Variants in PLD5 observed in about 807,000 individuals in gnomAD.
PLD5 encodes the protein phospholipase D family member 5, also known as inactive phospholipase D5.
In PLD5, 36 loss-of-function variants were observed where a neutral mutation model predicts 61.1. That is an observed-to-expected ratio of 0.59 (90% confidence interval 0.45 to 0.78). The LOEUF is 0.78. PLD5 is among the 30% of genes least tolerant of loss of function. PLD5 has a pLI of 0.00. For missense variants in PLD5, 515 were observed against 644.4 expected (o/e 0.80, Z 2.17); for synonymous variants, 243 against 242.8 (o/e 1.00, Z -0.01).
At chr1:242,126,606 A>C (rs1188749836) in intron 5 of PLD5, among the ~76,000 whole-genome samples, 1 of 152,202 alleles carries the variant, frequency 6.6e-6, no homozygotes, top group East Asian at 1.9e-4. Flanking sequence ...TTGGCAAGAC[A>C]CTGTAGGAGA....
intron 7 of PLD5, among the ~76,000 whole-genome samples, chr1:242,108,367 G>A (rs1430541988): frequency 6.6e-6 from 1 of 152,190 alleles, no homozygotes; most frequent in East Asian, 1.9e-4. Context: ...TGCCTTCCAC[G>A]TTTTCTGCAG....
chr1:242,382,128 C>CAAAAAAAAA (rs34582650), intron 1 of PLD5, among the ~76,000 whole-genome samples: 12 of 125,566 alleles, frequency 9.6e-5, no homozygotes, highest in African/African-American at 2.4e-4. Flanking sequence ...ACTTTGACAG[C>CAAAAAAAAA]AAAAAAAAAA....
chr1:242,414,800 AG>A (rs1299390403), intron 1 of PLD5, among the ~76,000 whole-genome samples: 1 of 152,240 alleles, frequency 6.6e-6, no homozygotes, highest in Non-Finnish European at 1.5e-5. Flanking sequence ...AAGACTAAAA[AG>A]CTATTGTTGG....
At chr1:242,245,116 A>C (rs1277559007) in intron 4 of PLD5, among the ~76,000 whole-genome samples, 1 of 152,188 alleles carries the variant, frequency 6.6e-6, no homozygotes, top group African/African-American at 2.4e-5. Context: ...AAAACCTTCA[A>C]GTTTTTCAGA....
chr1:242,382,018 T>G (rs1662306948), intron 1 of PLD5, among the ~76,000 whole-genome samples: 1 of 151,464 alleles, frequency 6.6e-6, no homozygotes, highest in Admixed American at 6.6e-5. Flanking sequence ...GAGTTAGAAC[T>G]GGAGAGGTAG....
chr1:242,267,195 AGGAAAG>A (rs201490435), intron 3 of PLD5, among the ~76,000 whole-genome samples: 7,757 of 128,870 alleles, frequency 0.06, 498 homozygotes, highest in East Asian at 0.25. Context: ...GAAAAGGAAA[AGGAAAG>A]GGAAAGGGAA....
At chr1:242,315,696 T>G (rs1316923511) in intron 2 of PLD5, among the ~76,000 whole-genome samples, 1 of 152,194 alleles carries the variant, frequency 6.6e-6, no homozygotes, top group Non-Finnish European at 1.5e-5. Flanking sequence ...AGACTGCATT[T>G]GGACTTCTGA....
intron 1 of PLD5, among the ~76,000 whole-genome samples, chr1:242,509,921 C>T (rs1238857219): frequency 6.6e-6 from 1 of 152,180 alleles, no homozygotes; most frequent in Non-Finnish European, 1.5e-5. Context: ...GATAAATGTA[C>T]ATTCTTCACA....
chr1:242,251,976 TTTG>T (rs1672729146), intron 4 of PLD5, among the ~76,000 whole-genome samples: 1 of 152,134 alleles, frequency 6.6e-6, no homozygotes, highest in Non-Finnish European at 1.5e-5. Flanking sequence ...GTTTTGTTTG[TTTG>T]TTATGTTCAG....
chr1:242,433,964 G>A (rs923360906), intron 1 of PLD5, among the ~76,000 whole-genome samples: 1 of 152,180 alleles, frequency 6.6e-6, no homozygotes, highest in Non-Finnish European at 1.5e-5. Flanking sequence ...GAGGAGGAAG[G>A]CAGATTACAT....
chr1:242,163,387 G>C (rs547931239), intron 5 of PLD5, among the ~76,000 whole-genome samples: 14,225 of 151,728 alleles, frequency 0.094, 979 homozygotes, highest in African/African-American at 0.18. Flanking sequence ...TCGTGATCCA[G>C]CTGCCTCGGC....
chr1:242,233,737 AGACT>A (rs909197185), intron 4 of PLD5, among the ~76,000 whole-genome samples: 4 of 152,160 alleles, frequency 2.6e-5, no homozygotes, highest in Admixed American at 6.5e-5. Context: ...ATGAAAAATA[AGACT>A]GACTAAGTGA....
At chr1:242,278,374 G>A (rs1392717512) in intron 3 of PLD5, among the ~76,000 whole-genome samples, 2 of 152,232 alleles carry the variant, frequency 1.3e-5, no homozygotes, top group East Asian at 3.9e-4. Context: ...CCATATGATT[G>A]GATTTAAAAG....
At chr1:242,296,047 A>G (rs1256326075) in intron 2 of PLD5, among the ~76,000 whole-genome samples, 2 of 152,216 alleles carry the variant, frequency 1.3e-5, no homozygotes, top group African/African-American at 4.8e-5. Flanking sequence ...AACCTCTTTC[A>G]ATCTGTTCCC....
chr1:242,529,663 A>AGAGG (rs1281338235), upstream of PLD5, among the ~76,000 whole-genome samples: 3 of 152,058 alleles, frequency 2.0e-5, no homozygotes, highest in Non-Finnish European at 4.4e-5. Context: ...ACTGGGGAGG[A>AGAGG]GAGGGAGAGG....
chr1:242,353,215 C>G (rs1660572577), intron 1 of PLD5, among the ~76,000 whole-genome samples: 1 of 152,148 alleles, frequency 6.6e-6, no homozygotes, highest in Non-Finnish European at 1.5e-5. Flanking sequence ...AGTGTGTATA[C>G]AGTGTATTTC....
chr1:242,277,009 A>T (rs1574654406), intron 3 of PLD5, among the ~76,000 whole-genome samples: 1 of 152,122 alleles, frequency 6.6e-6, no homozygotes, highest in East Asian at 1.9e-4. Context: ...GCAAGAGATT[A>T]ATATCAGAAG....
At chr1:242,246,894 G>C (rs1160856223) in intron 4 of PLD5, among the ~76,000 whole-genome samples, 2 of 152,040 alleles carry the variant, frequency 1.3e-5, no homozygotes, top group African/African-American at 4.8e-5. Flanking sequence ...TCAATACATG[G>C]AAGGCATACA....
intron 1 of PLD5, among the ~76,000 whole-genome samples, chr1:242,383,813 G>C (rs1213911060): frequency 1.3e-5 from 2 of 152,112 alleles, no homozygotes; most frequent in Non-Finnish European, 2.9e-5. Flanking sequence ...GCTCTGGACT[G>C]GCAGGACTTT....
Sources: allele counts gnomAD v4.1 joint callset (sites outside exome capture counted in the v4.1 genomes callset), GRCh38; gene constraint gnomAD v4.1.1; transcripts MANE v1.5; gene names NCBI Gene and HGNC (gene_info 2026-07-23, HGNC 2026-07-21).